Variants in FARP1 observed in about 807,000 individuals in gnomAD.
The protein encoded by FARP1 is FERM, ARHGEF and pleckstrin domain-containing protein 1.
In FARP1, 52 loss-of-function variants were observed where a neutral mutation model predicts 128.8. The observed-to-expected ratio is 0.40, with a 90% CI of 0.32 to 0.51. The LOEUF (loss-of-function observed/expected upper bound fraction) is 0.51, where lower values mean the gene tolerates loss of function less well. FARP1 is among the 20% of genes least tolerant of loss of function. FARP1 has a pLI of 0.45. For missense variants in FARP1, 1,333 were observed against 1,367.9 expected, an observed-to-expected ratio of 0.97 and a Z score of 0.40; for synonymous variants, 580 against 551.8, an observed-to-expected ratio of 1.05 and a Z score of -0.72.
intron 3 of FARP1, among the ~76,000 whole-genome samples, chr13:98,358,642 T>C (rs1267534960): frequency 4.6e-5 from 7 of 152,172 alleles, no homozygotes; most frequent in South Asian, 4.1e-4. Context: ...TTTGTTTCTT[T>C]CTTTTTCTTT....
At chr13:98,410,954 G>T (rs2291173) in intron 15 of FARP1, 131 bp downstream of exon 15, 4 of 507,652 alleles carry the variant, frequency 7.9e-6, no homozygotes, top group Admixed American at 6.7e-5. Context: ...GTGGTCCTAG[G>T]GTATAGAAAT....
chr13:98,448,124 A>T, intron 26 of FARP1, 112 bp from the exon 27 acceptor site: 1 of 877,026 alleles, frequency 1.1e-6, no homozygotes, highest in Non-Finnish European at 1.9e-6. Flanking sequence ...GAAGTGGCAG[A>T]TTACCAACCA....
At chr13:98,358,321 A>G (rs1236006870) in intron 3 of FARP1, among the ~76,000 whole-genome samples, 3 of 152,058 alleles carry the variant, frequency 2.0e-5, no homozygotes, top group Non-Finnish European at 2.9e-5. Context: ...TGGGGCGCTC[A>G]CAGGGATCAC....
chr13:98,368,007 T>C (rs1052837626), intron 4 of FARP1, 110 bp from the exon 5 acceptor site: 2 of 803,066 alleles, frequency 2.5e-6, no homozygotes, highest in East Asian at 2.7e-5. Flanking sequence ...AGATGTGCAC[T>C]TGGCAGCTTG....
chr13:98,372,991 T>C (rs1470571809), intron 5 of FARP1, among the ~76,000 whole-genome samples: 1 of 152,204 alleles, frequency 6.6e-6, no homozygotes, highest in Non-Finnish European at 1.5e-5. Context: ...GCCAGCATGC[T>C]CAGCTTACAG....
intron 2 of FARP1, among the ~76,000 whole-genome samples, chr13:98,293,224 G>A (rs1330461292): frequency 1.3e-5 from 2 of 152,278 alleles, no homozygotes; most frequent in South Asian, 4.1e-4. Flanking sequence ...GCAAAGGATG[G>A]TTATCATGCT....
chr13:98,390,057 T>C lies in FARP1; in HGVS notation c.956T>C (p.Phe319Ser). 1.2e-6 allele frequency: 2 copies of C among 1,614,218 alleles called. No homozygotes were observed. The highest frequency in any genetic ancestry group is 2.2e-5 in the East Asian group (1 of 44,888). ...CVEHHAFFRL[F>S]EEPKPKPKPV... ...GAACATCATGCCTTCTTTAGACTTT[T>C]TGAAGAGCCCAAACCAAAGCCCAAG... The change falls in exon 10 of 27, where the codon TTT (phenylalanine) becomes TCT (serine). Residue 319 changes from phenylalanine to serine, a missense_variant. Physicochemically the swap from Phe to Ser is radical, Grantham distance 155 (BLOSUM62 -2). Around this residue, in one of 2 missense-constraint regions of FARP1, gnomAD observed 1,009 missense variants for 969.8 expected, o/e 1.04. Transcript: ENST00000319562.
At chr13:98,312,135 C>CTTTTGTTTTTTTT in intron 2 of FARP1, among the ~76,000 whole-genome samples, 1 of 86,120 alleles carries the variant, frequency 1.2e-5, no homozygotes, top group Non-Finnish European at 2.0e-5. Flanking sequence ...GTGGTAACTG[C>CTTTTGTTTTTTTT]TTTTTTTTTT....
At chr13:98,443,402 C>T (rs1210025792) in intron 24 of FARP1, among the ~76,000 whole-genome samples, 2 of 152,198 alleles carry the variant, frequency 1.3e-5, no homozygotes, top group Non-Finnish European at 2.9e-5. Context: ...AATCTTGTGT[C>T]GGTGGCAGGC....
chr13:98,401,998 A>G (rs939479578), intron 13 of FARP1: 1 of 152,146 alleles, frequency 6.6e-6, no homozygotes, highest in African/African-American at 2.4e-5. Flanking sequence ...TAGTCTCCAG[A>G]TCAGGTTACT....
chr13:98,394,771 CA>C (rs201682430), intron 12 of FARP1, among the ~76,000 whole-genome samples: 1 of 151,986 alleles, frequency 6.6e-6, no homozygotes, highest in African/African-American at 2.4e-5. Context: ...CCCATCTCTA[CA>C]AAAAAAATTT....
chr13:98,214,408 G>C (rs1880935649), intron 2 of FARP1, among the ~76,000 whole-genome samples: 7 of 152,030 alleles, frequency 4.6e-5, no homozygotes. Flanking sequence ...TGTTTGTGGA[G>C]GAGGAAGATA....
chr13:98,398,563 A>G (rs1355144002), intron 13 of FARP1: 5 of 152,190 alleles, frequency 3.3e-5, no homozygotes, highest in African/African-American at 4.8e-5. Context: ...AGTCATATGA[A>G]TTAATAATTC....
rs1239414154 is a variant in FARP1 at position 98,450,505 on chromosome 13, C to A, written c.*2188C>A. 6.6e-6 allele frequency: 1 copy of A among 152,278 alleles called. No individual in the cohort carries two copies. The highest frequency in any genetic ancestry group is 2.4e-5 in the African/African-American group (1 of 41,464). 9.4% of individuals were successfully genotyped at this position (152,278 alleles called of 1,614,324 possible). On this transcript the variant is annotated 3_prime_UTR_variant, in exon 27 of 27. Transcript: ENST00000319562. ...AACCCAGCAAGAAGTGGCCAGTGCA[C>A]CCCAAACCACACTGGTGTCCACCTC... is the stretch of plus-strand genomic sequence containing the variant.
rs561837762 is a variant in FARP1 at position 98,455,091 on chromosome 13, C to T, written c.*6774C>T. Reference sequence around the variant, plus strand: ...GTAAAACACACACCAACTCCAAAGACGGTCCCTCCAAAAATGTAAAATACC... The same window carrying T: ...GTAAAACACACACCAACTCCAAAGATGGTCCCTCCAAAAATGTAAAATACC... On this transcript the variant is annotated 3_prime_UTR_variant, in exon 27 of 27. Transcript: ENST00000319562. 6 of 152,318 alleles carry T rather than the reference C, an allele frequency of 3.9e-5. No homozygotes were observed. The highest frequency in any genetic ancestry group is 7.2e-5 in the African/African-American group (3 of 41,574). The allele number at this position is 152,318 out of a possible 1,614,324, so 9.4% of individuals were successfully genotyped here. A position where few individuals can be genotyped will look rare whatever the true frequency, so the allele number is the denominator to read the frequency against.
At chr13:98,285,687 G>C (rs1342634629) in intron 2 of FARP1, among the ~76,000 whole-genome samples, 2 of 152,188 alleles carry the variant, frequency 1.3e-5, no homozygotes, top group Non-Finnish European at 2.9e-5. Flanking sequence ...GCATTCAAAC[G>C]ACTCTCTTCC....
In FARP1 at chr13:98,448,238, G is replaced by A. The variant is rs1892984333; in HGVS notation, c.3059G>A (p.Trp1020Ter). The change falls in exon 27 of 27, where the codon TGG becomes TAG. Residue 1020 changes from tryptophan (W) to a stop codon, truncating the protein, a stop_gained and splice_region_variant. Coordinates refer to ENST00000319562, the MANE Select transcript of FARP1 (RefSeq NM_005766.4). LOFTEE classifies it high-confidence loss of function. ...RAESEYTFERWMEVIRSATSS... is the reference protein window; with the variant it reads ...RAESEYTFER Reference sequence around the variant, plus strand: ...TAACTGGCGTTCCCGTGTTGCAGGTGGATGGAAGTGATCCGCAGTGCCACC... The same window carrying A: ...TAACTGGCGTTCCCGTGTTGCAGGTAGATGGAAGTGATCCGCAGTGCCACC... 6.2e-7 allele frequency: 1 copy of A among 1,613,486 alleles called. No individual in the cohort carries two copies. Among genetic ancestry groups the A allele is most frequent in the Admixed American group, 1.7e-5 (1 of 60,012 alleles).
intron 2 of FARP1, among the ~76,000 whole-genome samples, chr13:98,336,378 TCCTGCTTCATCCTC>T (rs1887743833): frequency 2.0e-5 from 3 of 152,172 alleles, no homozygotes; most frequent in Admixed American, 1.3e-4. Context: ...CAAGCAATTC[TCCTGCTTCATCCTC>T]CCAAGTAGCT....
chr13:98,437,850 T>G, intron 19 of FARP1: 2 of 1,596,190 alleles, frequency 1.3e-6, no homozygotes, highest in Admixed American at 3.3e-5. Context: ...GCCATTGTTA[T>G]TAGTAAAGGT....
Sources: allele counts gnomAD v4.1 joint callset (sites outside exome capture counted in the v4.1 genomes callset), GRCh38; gene constraint gnomAD v4.1.1; regional missense constraint gnomAD v4.1.1; transcripts MANE v1.5; gene names NCBI Gene and HGNC (gene_info 2026-07-23, HGNC 2026-07-21).